PKD2: variants seen among roughly 807,000 people sequenced by gnomAD.
The protein encoded by PKD2 is polycystin-2.
A neutral mutation model predicts 105.9 loss-of-function variants in PKD2; 48 were observed. That is an observed-to-expected ratio of 0.45 (90% confidence interval 0.36 to 0.58). The LOEUF (loss-of-function observed/expected upper bound fraction) is 0.58, where lower values mean the gene tolerates loss of function less well. PKD2 is among the 20% of genes least tolerant of loss of function. PKD2 has a pLI of 0.00. For synonymous variants in PKD2, 464 were observed against 481.1 expected (o/e 0.96, Z 0.46); for missense variants, 1,078 against 1,255.3 (o/e 0.86, Z 2.13).
chr4:88,075,606 G>T lies in PKD2; in HGVS notation c.2819G>T (p.Arg940Leu), dbSNP rs756158263. ...GTPVGLNGQP[R>L]PRSSRPSSSQ... ...CCAGTGGGACTAAATGGTCAACCTC[G>T]CCCCAGAAGCTCCCGCCCATCTTCC... The change falls in exon 15 of 15, where the codon CGC (arginine) becomes CTC (leucine). Residue 940 changes from arginine to leucine, a missense_variant. By Grantham distance (102) the Arg-to-Leu change is moderately radical (BLOSUM62 -2). Transcript: ENST00000237596. 1.2e-6 allele frequency: 2 copies of T among 1,614,108 alleles called. No individual in the cohort carries two copies. Among genetic ancestry groups the T allele is most frequent in the South Asian group, 2.2e-5 (2 of 91,082 alleles).
At chr4:88,070,593 T>TAGAGAG (rs1231949190) in intron 13 of PKD2, among the ~76,000 whole-genome samples, 94 of 108,464 alleles carry the variant, frequency 8.7e-4, no homozygotes, top group African/African-American at 2.7e-3. Context: ...TATATATATA[T>TAGAGAG]ATATATATAG....
chr4:88,032,821 C>A (rs920083924), intron 2 of PKD2, among the ~76,000 whole-genome samples: 4 of 152,148 alleles, frequency 2.6e-5, no homozygotes, highest in Admixed American at 6.5e-5. Context: ...CCCATTTGAG[C>A]TTTACAAAAG....
chr4:88,056,977 GTTTTGTTTTT>G (rs1283655180), intron 8 of PKD2, among the ~76,000 whole-genome samples: 2 of 147,682 alleles, frequency 1.4e-5, no homozygotes, highest in Non-Finnish European at 2.9e-5. Flanking sequence ...GGGTTTTTTT[GTTTTGTTTTT>G]TTTTGTTTTG....
chr4:88,040,141 G>A (rs1229433711), intron 4 of PKD2, among the ~76,000 whole-genome samples: 1 of 152,078 alleles, frequency 6.6e-6, no homozygotes, highest in East Asian at 1.9e-4. Context: ...AAAAAACTGA[G>A]GCTCACTTGC....
chr4:88,037,049 G>C (rs1727359245), intron 3 of PKD2, among the ~76,000 whole-genome samples: 1 of 152,120 alleles, frequency 6.6e-6, no homozygotes, highest in African/African-American at 2.4e-5. Context: ...GCACAACATA[G>C]TATGACTTTG....
intron 13 of PKD2, among the ~76,000 whole-genome samples, chr4:88,073,280 G>A (rs947130784): frequency 5.3e-5 from 8 of 151,924 alleles, no homozygotes; most frequent in African/African-American, 1.2e-4. Flanking sequence ...CAGCACTTTG[G>A]AAGGCCAAGG....
At chr4:88,040,284 G>A (rs1424472471) in intron 4 of PKD2, among the ~76,000 whole-genome samples, 1 of 152,114 alleles carries the variant, frequency 6.6e-6, no homozygotes, top group Non-Finnish European at 1.5e-5. Flanking sequence ...AGGGTGGCTT[G>A]TCGACGCTCT....
At chr4:88,057,479 A>G (rs1203827605) in intron 8 of PKD2, among the ~76,000 whole-genome samples, 1 of 143,834 alleles carries the variant, frequency 7.0e-6, no homozygotes, top group Non-Finnish European at 1.5e-5. Flanking sequence ...TCCATCGCCC[A>G]AGCTAGAGTG....
chr4:88,072,905 G>A (rs1163325777), intron 13 of PKD2, among the ~76,000 whole-genome samples: 3 of 151,894 alleles, frequency 2.0e-5, no homozygotes, highest in East Asian at 1.9e-4. Flanking sequence ...GGTGGGTTGT[G>A]TATACCTGTA....
intron 7 of PKD2, among the ~76,000 whole-genome samples, chr4:88,052,524 C>G (rs1373709613): frequency 6.6e-6 from 1 of 152,206 alleles, no homozygotes. Context: ...CCCACCTCAG[C>G]CTCCCAAAGT....
At position 88,066,124 on chromosome 4, in the gene PKD2, A is replaced by T. The variant is rs11938025; in HGVS notation, c.2358+245A>T. 0.25 allele frequency among the ~76,000 whole-genome samples: 37,654 copies of T among 152,086 alleles called. 5,447 individuals are homozygous for T. Among genetic ancestry groups the T allele is most frequent in the Non-Finnish European group, 0.33 (22,624 of 67,942 alleles). On this transcript the variant is annotated intron_variant, in intron 12 of 14. Transcript: ENST00000237596. ...CAAAATGAAAAGCAAGCAAAACAAA[A>T]GTAAAAATAATGGATTATTAATGAA...
At chr4:88,035,420 CTA>C (rs909318034) in intron 2 of PKD2, among the ~76,000 whole-genome samples, 13 of 152,192 alleles carry the variant, frequency 8.5e-5, no homozygotes, top group Admixed American at 7.2e-4. Context: ...AATGAAGGGA[CTA>C]TTTACAGAGA....
chr4:88,065,656 C>G, intron 11 of PKD2, 106 bp from the exon 12 acceptor site: 1 of 1,173,558 alleles, frequency 8.5e-7, no homozygotes, highest in Non-Finnish European at 1.3e-6. Flanking sequence ...GAAAACTTGC[C>G]CCCATTTGGT....
At chr4:88,064,767 G>A (rs1411109593) in intron 10 of PKD2, among the ~76,000 whole-genome samples, 2 of 151,560 alleles carry the variant, frequency 1.3e-5, no homozygotes, top group South Asian at 2.1e-4. Context: ...ACTCACACCT[G>A]TAGTCCCAGC....
At chr4:88,013,709 TAAAA>T (rs199674454) in intron 1 of PKD2, among the ~76,000 whole-genome samples, 1 of 131,150 alleles carries the variant, frequency 7.6e-6, no homozygotes. Context: ...AGCCTGTATC[TAAAA>T]AAAAAAAAAA....
intron 13 of PKD2, among the ~76,000 whole-genome samples, chr4:88,070,601 T>TATATATAGAGAGAGAG (rs1313482750): frequency 3.3e-5 from 3 of 91,482 alleles, no homozygotes; most frequent in Non-Finnish European, 4.2e-5. Context: ...TATATATATA[T>TATATATAGAGAGAGAG]AGAGAGAGAG....
At chr4:88,038,650 C>T in intron 4 of PKD2, 149 bp downstream of exon 4, 1 of 814,554 alleles carries the variant, frequency 1.2e-6, no homozygotes, top group Admixed American at 2.0e-5. Context: ...CCTTGGCCAA[C>T]TTGACCTTTG....
chr4:88,074,792 G>T lies in PKD2; in HGVS notation c.2523-20G>T, dbSNP rs767951492. 6.2e-7 allele frequency: 1 copy of T among 1,613,678 alleles called. No individual in the cohort carries two copies. The highest frequency in any genetic ancestry group is 1.3e-5 in the African/African-American group (1 of 74,922). ...ACAATGACAAGCACTTTGTCCCTCT[G>T]TACTGTGTTTTCCTTGCAGCCTGGT... is the stretch of plus-strand genomic sequence containing the variant. On this transcript the variant is annotated intron_variant, in intron 13 of 14. Coordinates refer to ENST00000237596, the MANE Select transcript of PKD2 (RefSeq NM_000297.4).
intron 7 of PKD2, among the ~76,000 whole-genome samples, chr4:88,053,429 G>A (rs1356876238): frequency 6.6e-6 from 1 of 152,148 alleles, no homozygotes; most frequent in African/African-American, 2.4e-5. Context: ...GGGAGGCCGA[G>A]ATAGGTCCCC....
Sources: gnomAD v4.1 joint callset for allele counts (sites outside exome capture counted in the v4.1 genomes callset) on GRCh38, gnomAD v4.1.1 for gene constraint, MANE v1.5 for transcripts, NCBI Gene and HGNC (gene_info 2026-07-23, HGNC 2026-07-21) for gene names.